Variants in ROBO2 observed in about 807,000 individuals in gnomAD.
ROBO2 encodes the protein roundabout homolog 2.
Under a neutral mutation model 160.8 loss-of-function variants are expected in ROBO2, and 53 were observed. That is an observed-to-expected ratio of 0.33 (90% CI 0.26 to 0.41). The LOEUF (loss-of-function observed/expected upper bound fraction) is 0.41, where lower values mean the gene tolerates loss of function less well. Ranked by LOEUF, ROBO2 falls within the 10% of genes least tolerant of loss-of-function variation. The pLI, the probability that ROBO2 is intolerant of heterozygous loss-of-function variation, is 1.00. For synonymous variants in ROBO2, 664 were observed against 611.7 expected, an observed-to-expected ratio of 1.09 and a Z score of -1.26; for missense variants, 1,577 against 1,722.4, an observed-to-expected ratio of 0.92 and a Z score of 1.49.
intron 2 of ROBO2, among the ~76,000 whole-genome samples, chr3:76,761,043 T>C (rs1462559267): frequency 4.0e-5 from 6 of 151,678 alleles, no homozygotes; most frequent in Middle Eastern, 3.2e-3. Flanking sequence ...TCCCTGTATT[T>C]TACCTCTTCT....
At chr3:76,853,763 C>T (rs1196832979) in intron 2 of ROBO2, among the ~76,000 whole-genome samples, 1 of 152,068 alleles carries the variant, frequency 6.6e-6, no homozygotes, top group Non-Finnish European at 1.5e-5. Context: ...TTTGTTCTGT[C>T]TCAGTATAAA....
At chr3:77,548,388 A>G (rs1209843834) in intron 7 of ROBO2, among the ~76,000 whole-genome samples, 2 of 152,112 alleles carry the variant, frequency 1.3e-5, no homozygotes, top group Non-Finnish European at 2.9e-5. Context: ...AATGATGTAA[A>G]GCAATTTGAT....
chr3:76,653,191 A>G (rs1052880604), intron 2 of ROBO2, among the ~76,000 whole-genome samples: 1 of 152,012 alleles, frequency 6.6e-6, no homozygotes, highest in Non-Finnish European at 1.5e-5. Context: ...TGTATTATGT[A>G]TCAATTAATT....
chr3:76,429,940 C>A (rs2076369104), intron 2 of ROBO2, among the ~76,000 whole-genome samples: 1 of 151,948 alleles, frequency 6.6e-6, no homozygotes, highest in South Asian at 2.1e-4. Flanking sequence ...GAACAGCAAT[C>A]AAAGGAACAA....
At chr3:76,141,756 CATCTA>C (rs769864754) in intron 2 of ROBO2, among the ~76,000 whole-genome samples, 3 of 151,876 alleles carry the variant, frequency 2.0e-5, no homozygotes, top group Admixed American at 6.6e-5. Flanking sequence ...AATGTGGCTT[CATCTA>C]ATCTAATTTT....
chr3:76,888,403 T>C (rs971629932), intron 2 of ROBO2, among the ~76,000 whole-genome samples: 7 of 151,410 alleles, frequency 4.6e-5, no homozygotes, highest in African/African-American at 1.7e-4. Flanking sequence ...TCTAGTTAAG[T>C]GTTGATGGTG....
intron 2 of ROBO2, among the ~76,000 whole-genome samples, chr3:77,208,036 C>T (rs2083645555): frequency 6.6e-6 from 1 of 152,140 alleles, no homozygotes; most frequent in Non-Finnish European, 1.5e-5. Flanking sequence ...ATCCTGAGCG[C>T]TCTCCTGTAA....
intron 5 of ROBO2, among the ~76,000 whole-genome samples, chr3:77,519,010 G>A (rs2090319334): frequency 6.6e-6 from 1 of 151,306 alleles, no homozygotes. Context: ...TGTTCTATAG[G>A]TAGAAAAAAA....
intron 2 of ROBO2, among the ~76,000 whole-genome samples, chr3:76,442,091 G>A (rs1392999544): frequency 6.6e-6 from 1 of 152,190 alleles, no homozygotes; most frequent in Non-Finnish European, 1.5e-5. Context: ...TCACAGGGCA[G>A]AAGAAAAACG....
chr3:76,346,900 T>C (rs912016410), intron 2 of ROBO2, among the ~76,000 whole-genome samples: 1 of 152,070 alleles, frequency 6.6e-6, no homozygotes, highest in Non-Finnish European at 1.5e-5. Flanking sequence ...TTTGCATCAA[T>C]TGAGAATAAA....
At chr3:76,551,815 C>T (rs1266684927) in intron 2 of ROBO2, among the ~76,000 whole-genome samples, 1 of 152,166 alleles carries the variant, frequency 6.6e-6, no homozygotes, top group Non-Finnish European at 1.5e-5. Context: ...GCACCTGGAG[C>T]TGCCCACTGT....
intron 2 of ROBO2, among the ~76,000 whole-genome samples, chr3:76,994,794 T>A (rs1318732568): frequency 1.3e-5 from 2 of 152,276 alleles, no homozygotes; most frequent in East Asian, 1.9e-4. Flanking sequence ...AAACCACAGA[T>A]GTGCTAGAAT....
intron 2 of ROBO2, among the ~76,000 whole-genome samples, chr3:76,863,028 A>C (rs539382139): frequency 5.9e-5 from 9 of 152,210 alleles, no homozygotes; most frequent in Non-Finnish European, 1.2e-4. Context: ...TTAACTTATC[A>C]GCTAAAAATC....
rs149068585 is a variant in ROBO2 at position 76,651,059 on chromosome 3, C to G, written c.110-446955C>G. Among the ~76,000 whole-genome samples, 164 of 152,236 alleles carry G rather than the reference C, an allele frequency of 1.1e-3. 3 individuals are homozygous for G. Among genetic ancestry groups the G allele is most frequent in the African/African-American group, 3.8e-3 (159 of 41,532 alleles). ...CTTGCAAAGAGTGAAAAACCCACCT[C>G]AAATGGCTTAAGTGGGCAAGGAAGA... On this transcript the variant is annotated intron_variant, in intron 2 of 26. Transcript: ENST00000487694.
At chr3:76,377,775 A>T (rs967764997) in intron 2 of ROBO2, among the ~76,000 whole-genome samples, 1 of 152,156 alleles carries the variant, frequency 6.6e-6, no homozygotes, top group African/African-American at 2.4e-5. Context: ...TAGAAAGGGT[A>T]CTAGCTTGTG....
intron 2 of ROBO2, among the ~76,000 whole-genome samples, chr3:76,055,939 A>T (rs2067829719): frequency 6.6e-6 from 1 of 152,102 alleles, no homozygotes; most frequent in Non-Finnish European, 1.5e-5. Flanking sequence ...ACCAGCTTTT[A>T]AGAACAAACT....
At chr3:77,437,266 T>C (rs2079390985) in intron 2 of ROBO2, among the ~76,000 whole-genome samples, 1 of 152,032 alleles carries the variant, frequency 6.6e-6, no homozygotes, top group Admixed American at 6.6e-5. Flanking sequence ...TTGTGATTTC[T>C]AAAAGTTTGT....
chr3:76,904,636 G>A (rs1404224630), intron 2 of ROBO2, among the ~76,000 whole-genome samples: 1 of 152,072 alleles, frequency 6.6e-6, no homozygotes, highest in African/African-American at 2.4e-5. Context: ...CCATCCCGTG[G>A]CTCAGAGGGT....
At chr3:77,209,916 T>A (rs2083908794) in intron 2 of ROBO2, among the ~76,000 whole-genome samples, 1 of 152,174 alleles carries the variant, frequency 6.6e-6, no homozygotes, top group South Asian at 2.1e-4. Context: ...GTGATTCTAA[T>A]GTGTGGGGAT....
Sources: allele counts gnomAD v4.1 joint callset (sites outside exome capture counted in the v4.1 genomes callset), GRCh38; gene constraint gnomAD v4.1.1; transcripts MANE v1.5; gene names NCBI Gene and HGNC (gene_info 2026-07-23, HGNC 2026-07-21).